Variants in CDH18 observed in about 807,000 individuals in gnomAD.
CDH18 encodes cadherin 18.
In CDH18, 31 loss-of-function variants were observed where a neutral mutation model predicts 67.9. The observed-to-expected ratio is 0.46, with a 90% CI of 0.34 to 0.62. CDH18 has a LOEUF of 0.62. Among genes scored for constraint, CDH18 ranks in the 20% least tolerant of loss-of-function variants. CDH18 has a pLI of 0.01. For missense variants in CDH18, 890 were observed against 975.5 expected, an observed-to-expected ratio of 0.91 and a Z score of 1.17; for synonymous variants, 362 against 347.2, an observed-to-expected ratio of 1.04 and a Z score of -0.48.
chr5:19,686,548 C>A (rs1274742636), intron 5 of CDH18, among the ~76,000 whole-genome samples: 1 of 152,108 alleles, frequency 6.6e-6, no homozygotes, highest in Non-Finnish European at 1.5e-5. Context: ...GTGCGCGCAC[C>A]TACAAATACA....
Position 19,712,823 on chromosome 5 carries a change from A to G in CDH18, c.643+8524T>C, listed in dbSNP as rs1240213397. ...TTTCTAGATTTCATTGTACATATCT[A>G]AGATACTGGGTTAGGGAAGAATCTA... is the stretch of plus-strand genomic sequence containing the variant. On this transcript the variant is annotated intron_variant, in intron 5 of 12. Coordinates refer to ENST00000382275, the MANE Select transcript of CDH18 (RefSeq NM_004934.5). 4.6e-5 allele frequency among the ~76,000 whole-genome samples: 7 copies of G among 151,664 alleles called. No homozygotes were observed. The Admixed American group carries it at 4.6e-4, about 10-fold the overall frequency.
intron 6 of CDH18, among the ~76,000 whole-genome samples, chr5:19,608,052 T>C (rs1369052703): frequency 4.6e-5 from 7 of 151,702 alleles, no homozygotes; most frequent in Admixed American, 4.6e-4. Flanking sequence ...AAACATCTAG[T>C]ATCATCTTGG....
chr5:19,895,896 G>A (rs1368117735), intron 2 of CDH18, among the ~76,000 whole-genome samples: 1 of 152,112 alleles, frequency 6.6e-6, no homozygotes, highest in East Asian at 1.9e-4. Context: ...CATGGTAAAA[G>A]GGGCTGTTCT....
chr5:20,307,670 A>G (rs1736592168), intron 1 of CDH18, among the ~76,000 whole-genome samples: 1 of 152,176 alleles, frequency 6.6e-6, no homozygotes, highest in East Asian at 1.9e-4. Flanking sequence ...GAATTAAACA[A>G]TATTTCATTT....
intron 12 of CDH18, among the ~76,000 whole-genome samples, chr5:19,479,436 T>A (rs962886284): frequency 4.6e-5 from 7 of 152,210 alleles, no homozygotes; most frequent in African/African-American, 1.7e-4. Flanking sequence ...AAATTACAGA[T>A]GGCTATATCC....
chr5:20,261,472 G>A (rs1468903231), intron 1 of CDH18, among the ~76,000 whole-genome samples: 1 of 152,168 alleles, frequency 6.6e-6, no homozygotes, highest in African/African-American at 2.4e-5. Context: ...CGGGCGTGGT[G>A]GCTCACGCCT....
intron 4 of CDH18, among the ~76,000 whole-genome samples, chr5:19,730,092 T>C (rs564930564): frequency 6.6e-6 from 1 of 152,240 alleles, no homozygotes; most frequent in South Asian, 2.1e-4. Flanking sequence ...CAGCTCCCTT[T>C]CAGCTGCCCC....
chr5:20,411,700 T>C (rs1464055599), intron 1 of CDH18, among the ~76,000 whole-genome samples: 1 of 150,704 alleles, frequency 6.6e-6, no homozygotes, highest in Admixed American at 6.6e-5. Flanking sequence ...TCACAAACTG[T>C]GTACCTGATA....
At chr5:19,535,553 A>T (rs967208169) in intron 9 of CDH18, among the ~76,000 whole-genome samples, 2 of 152,200 alleles carry the variant, frequency 1.3e-5, no homozygotes, top group African/African-American at 4.8e-5. Context: ...GAATACACTC[A>T]CAAACACTAA....
intron 1 of CDH18, among the ~76,000 whole-genome samples, chr5:20,338,659 C>T (rs778148478): frequency 3.3e-5 from 5 of 152,180 alleles, no homozygotes; most frequent in Non-Finnish European, 5.9e-5. Flanking sequence ...TGCAATGGAA[C>T]TGAAACAACA....
At chr5:19,714,029 C>T (rs1378641048) in intron 5 of CDH18, among the ~76,000 whole-genome samples, 4 of 152,124 alleles carry the variant, frequency 2.6e-5, no homozygotes, top group African/African-American at 9.7e-5. Context: ...GCAGGGCATG[C>T]ATCTGAATAT....
chr5:20,095,392 G>GAAGAAAGAAAGA (rs746033336), intron 2 of CDH18, among the ~76,000 whole-genome samples: 2,320 of 63,744 alleles, frequency 0.036, 187 homozygotes, highest in African/African-American at 0.041. Flanking sequence ...AAGAGAAACA[G>GAAGAAAGAAAGA]AAGAAAGAAA....
chr5:20,051,872 A>G (rs1741450854), intron 2 of CDH18, among the ~76,000 whole-genome samples: 1 of 152,012 alleles, frequency 6.6e-6, no homozygotes, highest in African/African-American at 2.4e-5. Context: ...GTGTAAGATG[A>G]GAAACATCAC....
chr5:19,554,269 T>G (rs1336889411), intron 8 of CDH18, among the ~76,000 whole-genome samples: 1 of 152,204 alleles, frequency 6.6e-6, no homozygotes, highest in East Asian at 1.9e-4. Context: ...TTTATGACTC[T>G]AAGTAAGTGA....
chr5:19,480,576 A>G (rs1194755962), intron 12 of CDH18, among the ~76,000 whole-genome samples: 1 of 151,654 alleles, frequency 6.6e-6, no homozygotes, highest in Non-Finnish European at 1.5e-5. Context: ...ACAGGGTTTC[A>G]CCGTGTTAGC....
intron 6 of CDH18, among the ~76,000 whole-genome samples, chr5:19,601,577 G>C (rs1747124638): frequency 6.6e-6 from 1 of 151,948 alleles, no homozygotes; most frequent in Non-Finnish European, 1.5e-5. Context: ...AGTAAAAAAA[G>C]AGGGAAATTA....
rs530724340 is a variant in CDH18, at chr5:20,514,228, G to C, written c.-580+61234C>G. Among the ~76,000 whole-genome samples the C allele has an allele frequency of 4.6e-5, 7 of 152,044 alleles. No individual in the cohort carries two copies. The South Asian group carries it at 1.5e-3, about 32-fold the overall frequency. On this transcript the variant is annotated intron_variant, in intron 1 of 14. Transcript: ENST00000507958. ...CATCTTCTTCATTTCCAAAATGTTTGACCAATGTATTTCTTTCTCTAAATA... is the reference window on the plus strand; with the variant it reads ...CATCTTCTTCATTTCCAAAATGTTTCACCAATGTATTTCTTTCTCTAAATA...
In CDH18 at chr5:20,078,324, G is replaced by A. The variant is rs12522780; in HGVS notation, c.-517-86310C>T. 4.6e-5 allele frequency among the ~76,000 whole-genome samples: 7 copies of A among 151,910 alleles called. No individual in the cohort carries two copies. In the South Asian group the frequency reaches 1.0e-3, roughly 22 times the overall value. On this transcript the variant is annotated intron_variant, in intron 2 of 14. Transcript: ENST00000507958. The stretch of plus-strand genomic sequence containing the variant: ...AAAAATACAAAAAAATTAGCTGGGT[G>A]TGGTGGCGTGTGCCTGTAGTCCCAG...
intron 5 of CDH18, among the ~76,000 whole-genome samples, chr5:19,634,369 TC>T (rs1245099442): frequency 1.3e-5 from 2 of 152,146 alleles, no homozygotes; most frequent in Non-Finnish European, 2.9e-5. Context: ...CAAATCCTCT[TC>T]TCACTGGATT....
Sources: gnomAD v4.1 joint callset for allele counts (sites outside exome capture counted in the v4.1 genomes callset) on GRCh38, gnomAD v4.1.1 for gene constraint, MANE v1.5 for transcripts, NCBI Gene and HGNC (gene_info 2026-07-23, HGNC 2026-07-21) for gene names.